The following DENND1B variants were observed in gnomAD, a reference collection of about 807,000 sequenced individuals.
DENND1B encodes DENN domain-containing protein 1B.
DENND1B carries 59 observed loss-of-function variants against 90.1 expected under a neutral mutation model. The ratio of observed to expected loss-of-function variants is 0.65; its 90% CI spans 0.53 to 0.81. The LOEUF (loss-of-function observed/expected upper bound fraction) is 0.81, where lower values mean the gene tolerates loss of function less well. Among genes scored for constraint, DENND1B ranks in the 40% least tolerant of loss-of-function variants. The pLI, the probability that DENND1B is intolerant of heterozygous loss-of-function variation, is 0.00. For synonymous variants in DENND1B, 337 were observed against 324.6 expected, an observed-to-expected ratio of 1.04 and a Z score of -0.41; for missense variants, 862 against 912.6, an observed-to-expected ratio of 0.94 and a Z score of 0.71.
intron 5 of DENND1B, among the ~76,000 whole-genome samples, chr1:197,668,861 C>T (rs1431617577): frequency 6.9e-6 from 1 of 145,598 alleles, no homozygotes; most frequent in Non-Finnish European, 1.6e-5. Flanking sequence ...AAAGCTTATA[C>T]CATTTTTTAG....
intron 13 of DENND1B, among the ~76,000 whole-genome samples, chr1:197,603,951 T>G (rs1263368538): frequency 6.6e-6 from 1 of 151,250 alleles, no homozygotes; most frequent in African/African-American, 2.4e-5. Context: ...ATAAACATAC[T>G]ACAATAACAC....
At chr1:197,647,029 TA>T (rs1428060979) in intron 8 of DENND1B, 25 bp downstream of exon 8, 2 of 1,456,850 alleles carry the variant, frequency 1.4e-6, no homozygotes, top group East Asian at 5.9e-5. Context: ...TAGTGATTTT[TA>T]GAAGCCAATG....
intron 5 of DENND1B, among the ~76,000 whole-genome samples, chr1:197,665,301 G>A (rs1038066694): frequency 6.6e-5 from 10 of 152,086 alleles, no homozygotes; most frequent in African/African-American, 1.4e-4. Flanking sequence ...CAATTTTCTC[G>A]GAACTCCGAG....
At chr1:197,709,923 G>A (rs1372633530) in intron 3 of DENND1B, among the ~76,000 whole-genome samples, 1 of 95,256 alleles carries the variant, frequency 1.0e-5, no homozygotes, top group Non-Finnish European at 2.0e-5. Context: ...GGCAGGGGTT[G>A]CAATCCTAGT....
At chr1:197,694,213 T>TA (rs149995813) in intron 3 of DENND1B, among the ~76,000 whole-genome samples, 5,306 of 150,114 alleles carry the variant, frequency 0.035, 323 homozygotes, top group African/African-American at 0.12. Context: ...CTTATTTTGC[T>TA]AAAAAAAAAT....
chr1:197,651,812 C>T (rs981229340), intron 7 of DENND1B, among the ~76,000 whole-genome samples: 5 of 151,592 alleles, frequency 3.3e-5, no homozygotes, highest in Admixed American at 6.6e-5. Context: ...CCTGCCACCA[C>T]GCCCGGCTAA....
intron 2 of DENND1B, chr1:197,746,623 T>C (rs1197673892): frequency 5.5e-5 from 33 of 603,428 alleles, no homozygotes; most frequent in Non-Finnish European, 9.5e-5. Context: ...ATAATCAAAC[T>C]CCCAAATTTT....
chr1:197,748,173 A>G (rs1362440770), intron 2 of DENND1B, among the ~76,000 whole-genome samples: 1 of 151,670 alleles, frequency 6.6e-6, no homozygotes, highest in African/African-American at 2.4e-5. Context: ...GTTAAAAAAG[A>G]TAAATTTCAA....
intron 14 of DENND1B, among the ~76,000 whole-genome samples, chr1:197,586,972 G>T (rs1275131015): frequency 6.6e-6 from 1 of 152,142 alleles, no homozygotes; most frequent in African/African-American, 2.4e-5. Flanking sequence ...CTCCCATTTA[G>T]CTAAGTGCAA....
chr1:197,521,776 C>T (rs1156705318), intron 20 of DENND1B, among the ~76,000 whole-genome samples: 1 of 151,860 alleles, frequency 6.6e-6, no homozygotes, highest in African/African-American at 2.4e-5. Flanking sequence ...AAAGACTTAC[C>T]CATGATTGAC....
chr1:197,591,869 G>A (rs1675240637), intron 14 of DENND1B, among the ~76,000 whole-genome samples: 1 of 152,030 alleles, frequency 6.6e-6, no homozygotes, highest in Non-Finnish European at 1.5e-5. Context: ...CCAGCACTCT[G>A]GGAGGCCGAG....
intron 2 of DENND1B, among the ~76,000 whole-genome samples, chr1:197,733,574 G>T (rs944488203): frequency 6.6e-6 from 1 of 152,062 alleles, no homozygotes. Flanking sequence ...CTTTGTCTTC[G>T]TTGTTTGGGC....
intron 2 of DENND1B, among the ~76,000 whole-genome samples, chr1:197,741,817 G>GTA (rs1283289072): frequency 1.3e-5 from 2 of 152,070 alleles, no homozygotes; most frequent in Non-Finnish European, 2.9e-5. Flanking sequence ...CACACCTATG[G>GTA]TATGCAGAAA....
intron 2 of DENND1B, 101 bp from the exon 3 acceptor site, chr1:197,715,175 TACA>T (rs1175079409): frequency 3.6e-6 from 3 of 833,958 alleles, no homozygotes; most frequent in Non-Finnish European, 5.6e-6. Context: ...CTACTTTAAT[TACA>T]ACATTTAAAT....
At chr1:197,591,854 T>C (rs1290992236) in intron 14 of DENND1B, among the ~76,000 whole-genome samples, 3 of 152,066 alleles carry the variant, frequency 2.0e-5, no homozygotes, top group African/African-American at 7.2e-5. Flanking sequence ...CTCACGCCTG[T>C]AATCCCAGCA....
Position 197,645,721 on chromosome 1 carries a change from TC to T in DENND1B, c.529del (p.Asp177MetfsTer2). 6.4e-7 allele frequency: 1 copy of T among 1,573,982 alleles called. No individual in the cohort carries two copies. Among genetic ancestry groups the T allele is most frequent in the Non-Finnish European group, 8.6e-7 (1 of 1,160,258 alleles). ...GGGTATTGTTGGGAGTCCAGTTACATCAGGGGCAATGAAGTAGGAATGCTAA... is the reference window on the plus strand; with the variant it reads ...GGGTATTGTTGGGAGTCCAGTTACATAGGGGCAATGAAGTAGGAATGCTAA... ...LVPHSYFIAP[D>X]VTGLPTIPES... On this transcript the variant is annotated frameshift_variant, in exon 9 of 23. Coordinates refer to ENST00000620048, the MANE Select transcript of DENND1B (RefSeq NM_001195215.2). LOFTEE classifies it high-confidence loss of function.
chr1:197,572,256 G>A (rs1319670615), intron 15 of DENND1B, among the ~76,000 whole-genome samples: 1 of 152,180 alleles, frequency 6.6e-6, no homozygotes, highest in Non-Finnish European at 1.5e-5. Flanking sequence ...AGCAGACCAG[G>A]AGAGTCTCTT....
chr1:197,577,737 G>A (rs1673812255), intron 15 of DENND1B, among the ~76,000 whole-genome samples: 1 of 152,068 alleles, frequency 6.6e-6, no homozygotes, highest in Admixed American at 6.6e-5. Context: ...ACTGTTTCTG[G>A]GATTCCTTCC....
intron 15 of DENND1B, among the ~76,000 whole-genome samples, chr1:197,555,842 T>C (rs1056409596): frequency 4.6e-5 from 7 of 152,036 alleles, no homozygotes; most frequent in Non-Finnish European, 1.0e-4. Flanking sequence ...GATCCAGCAA[T>C]CCCCATATTG....
Sources: gnomAD v4.1 joint callset for allele counts (sites outside exome capture counted in the v4.1 genomes callset) on GRCh38, gnomAD v4.1.1 for gene constraint, MANE v1.5 for transcripts, NCBI Gene and HGNC (gene_info 2026-07-23, HGNC 2026-07-21) for gene names.